DLGAP1: variants seen among roughly 807,000 people sequenced by gnomAD.
DLGAP1 encodes the protein DLG associated protein 1.
Under a neutral mutation model 90.8 loss-of-function variants are expected in DLGAP1, and 11 were observed. The observed-to-expected ratio is 0.12, with a 90% confidence interval of 0.08 to 0.20. The LOEUF (loss-of-function observed/expected upper bound fraction) is 0.20, where lower values mean the gene tolerates loss of function less well. DLGAP1 is among the 10% of genes least tolerant of loss of function. The probability of loss-of-function intolerance (pLI) is 1.00; values close to 1 mark genes in which losing one functional copy is unlikely to be tolerated. For missense variants in DLGAP1, 1,050 were observed against 1,333.8 expected (o/e 0.79, Z 3.31); for synonymous variants, 558 against 540.7 (o/e 1.03, Z -0.44).
At chr18:3,566,676 AAGTT>A (rs146383401) in intron 9 of DLGAP1, among the ~76,000 whole-genome samples, 1 of 152,262 alleles carries the variant, frequency 6.6e-6, no homozygotes, top group Non-Finnish European at 1.5e-5. Context: ...AACACACTGA[AAGTT>A]AGTAGCAAAG....
intron 2 of DLGAP1, among the ~76,000 whole-genome samples, chr18:4,115,011 T>C (rs542012976): frequency 2.0e-4 from 31 of 152,290 alleles, no homozygotes; most frequent in Non-Finnish European, 3.4e-4. Flanking sequence ...TCTGTATGTC[T>C]CATGTTTGTT....
At chr18:4,309,579 C>A (rs1415011441) in intron 1 of DLGAP1, among the ~76,000 whole-genome samples, 1 of 152,112 alleles carries the variant, frequency 6.6e-6, no homozygotes, top group South Asian at 2.1e-4. Flanking sequence ...AATAAAAAAT[C>A]GTTTAGCCCA....
intron 3 of DLGAP1, among the ~76,000 whole-genome samples, chr18:3,903,017 T>G (rs1221937769): frequency 6.6e-6 from 1 of 152,220 alleles, no homozygotes; most frequent in African/African-American, 2.4e-5. Context: ...ACTTTGCCTG[T>G]GAGGAAACAT....
At chr18:4,192,856 G>T (rs16946201) in intron 1 of DLGAP1, among the ~76,000 whole-genome samples, 18,521 of 152,144 alleles carry the variant, frequency 0.12, 1,346 homozygotes, top group South Asian at 0.27. Flanking sequence ...CTGGATACAG[G>T]GTTGACAGAA....
At chr18:3,615,967 T>C (rs2057845820) in intron 7 of DLGAP1, among the ~76,000 whole-genome samples, 1 of 152,190 alleles carries the variant, frequency 6.6e-6, no homozygotes, top group Admixed American at 6.5e-5. Context: ...AAGTGGGGAA[T>C]TTCTGGCACT....
chr18:4,051,326 T>C (rs1017766879), intron 2 of DLGAP1, among the ~76,000 whole-genome samples: 4 of 152,218 alleles, frequency 2.6e-5, no homozygotes, highest in Admixed American at 2.6e-4. Context: ...AGAGGCTTAA[T>C]TGACTCATAG....
At chr18:4,291,537 G>C (rs2079848616) in intron 1 of DLGAP1, among the ~76,000 whole-genome samples, 1 of 151,426 alleles carries the variant, frequency 6.6e-6, no homozygotes, top group Non-Finnish European at 1.5e-5. Flanking sequence ...ATAAATTTTG[G>C]ATTATTTTAT....
rs878949988 is a variant in DLGAP1, at chr18:3,640,042, C to T, written c.1592-57794G>A. Among the ~76,000 whole-genome samples the T allele has an allele frequency of 3.5e-4, 54 of 152,158 alleles. No individual in the cohort carries two copies. The Middle Eastern group carries it at 0.01, about 29-fold the overall frequency. On this transcript the variant is annotated intron_variant, in intron 7 of 12. Transcript: ENST00000315677. Reference sequence around the variant, plus strand: ...GTGCTGGGATTACAGGCGTGAGCCACGGCACCCGGCCCCAGAGTTGCCTTT... The same window carrying T: ...GTGCTGGGATTACAGGCGTGAGCCATGGCACCCGGCCCCAGAGTTGCCTTT...
intron 7 of DLGAP1, among the ~76,000 whole-genome samples, chr18:3,625,173 T>C (rs985054252): frequency 1.3e-5 from 2 of 152,190 alleles, no homozygotes; most frequent in Admixed American, 6.5e-5. Flanking sequence ...GCCCTAGTCA[T>C]TAAATGCCCA....
chr18:3,718,428 T>C (rs191491297), intron 7 of DLGAP1, among the ~76,000 whole-genome samples: 1 of 152,174 alleles, frequency 6.6e-6, no homozygotes, highest in Non-Finnish European at 1.5e-5. Context: ...TCATGTTTGA[T>C]GGGGGCATTT....
At chr18:4,415,829 C>A (rs2082887441) in intron 1 of DLGAP1, among the ~76,000 whole-genome samples, 1 of 152,104 alleles carries the variant, frequency 6.6e-6, no homozygotes, top group South Asian at 2.1e-4. Flanking sequence ...ATCTAACACA[C>A]TGAAATACAA....
chr18:3,736,883 T>C (rs1283259039), intron 6 of DLGAP1, among the ~76,000 whole-genome samples: 1 of 147,026 alleles, frequency 6.8e-6, no homozygotes, highest in Non-Finnish European at 1.5e-5. Flanking sequence ...GCAAGACTAA[T>C]AAAGAAAAAA....
At position 3,879,185 on chromosome 18, in the gene DLGAP1, G is replaced by A; in HGVS notation, c.884C>T (p.Ala295Val). The change falls in exon 4 of 13, where the codon GCC becomes GTC. Residue 295 changes from alanine (A) to valine (V), a missense_variant. Ala to Val is a moderately conservative substitution (Grantham distance 64). Around this residue, in one of 2 missense-constraint regions of DLGAP1, gnomAD observed 485 missense variants for 454.1 expected, o/e 1.07. Transcript: ENST00000315677. The surrounding 1 kb of genome is among the most constrained non-coding windows in gnomAD (Gnocchi z 6.6). ...VSRAREVYQK[A>V]SVNMDQAMVK... ...CATGGCCTGGTCCATGTTCACCGAG[G>A]CCTTCTGGTAAACCTCCCGGGCCCG... 1 of 1,528,114 alleles carries A rather than the reference G, an allele frequency of 6.5e-7. No homozygotes were observed. Among genetic ancestry groups the A allele is most frequent in the Non-Finnish European group, 8.8e-7 (1 of 1,138,540 alleles). The allele number at this position is 1,528,114 out of a possible 1,614,324, so 94.7% of individuals were successfully genotyped here. A position where few individuals can be genotyped will look rare whatever the true frequency, so the allele number is the denominator to read the frequency against.
At chr18:4,049,541 A>T (rs531515496) in intron 2 of DLGAP1, among the ~76,000 whole-genome samples, 2 of 152,052 alleles carry the variant, frequency 1.3e-5, no homozygotes, top group African/African-American at 4.8e-5. Context: ...TCTGGGCTCT[A>T]ATTTATAAGT....
At chr18:3,701,502 G>A (rs1243515696) in intron 7 of DLGAP1, among the ~76,000 whole-genome samples, 1 of 152,220 alleles carries the variant, frequency 6.6e-6, no homozygotes, top group Non-Finnish European at 1.5e-5. Flanking sequence ...AAAGCAGAAG[G>A]ATTCGACCCA....
chr18:3,763,424 T>C (rs1023777677), intron 5 of DLGAP1, among the ~76,000 whole-genome samples: 3 of 152,180 alleles, frequency 2.0e-5, no homozygotes, highest in African/African-American at 7.2e-5. Context: ...TGTGGGACTC[T>C]ACCTTGTGAT....
At chr18:3,696,343 T>C (rs995062006) in intron 7 of DLGAP1, among the ~76,000 whole-genome samples, 1 of 152,246 alleles carries the variant, frequency 6.6e-6, no homozygotes, top group African/African-American at 2.4e-5. Context: ...TTGTCATAAA[T>C]AGCTCTTATT....
chr18:3,659,035 C>G (rs2059591693), intron 7 of DLGAP1, among the ~76,000 whole-genome samples: 2 of 152,142 alleles, frequency 1.3e-5, no homozygotes, highest in African/African-American at 4.8e-5. Flanking sequence ...GTGTGATTCA[C>G]TAGCTCCAAA....
At chr18:4,252,518 G>C (rs541139150) in intron 1 of DLGAP1, among the ~76,000 whole-genome samples, 4 of 148,190 alleles carry the variant, frequency 2.7e-5, no homozygotes, top group African/African-American at 1.0e-4. Flanking sequence ...AAAGAAAAAA[G>C]CAGTGTTTCT....
Sources: allele counts gnomAD v4.1 joint callset (sites outside exome capture counted in the v4.1 genomes callset), GRCh38; gene constraint gnomAD v4.1.1; regional missense constraint gnomAD v4.1.1; non-coding constraint Gnocchi (gnomAD v3.1); transcripts MANE v1.5; gene names NCBI Gene and HGNC (gene_info 2026-07-23, HGNC 2026-07-21).